Variants in RNF150 observed in about 807,000 individuals in gnomAD.
The protein encoded by RNF150 is ring finger protein 150.
RNF150 carries 24 observed loss-of-function variants against 39.3 expected under a neutral mutation model. The ratio of observed to expected loss-of-function variants is 0.61; its 90% CI spans 0.44 to 0.86. RNF150 has a LOEUF of 0.86. RNF150 is among the 40% of genes least tolerant of loss of function. RNF150 has a pLI of 0.00. For missense variants in RNF150, 502 were observed against 587.8 expected (o/e 0.85, Z 1.51); for synonymous variants, 255 against 227.3 (o/e 1.12, Z -1.10).
At chr4:141,077,332 T>C (rs755218575) in intron 1 of RNF150, among the ~76,000 whole-genome samples, 1 of 152,124 alleles carries the variant, frequency 6.6e-6, no homozygotes, top group Non-Finnish European at 1.5e-5. Flanking sequence ...GAACTGTTGA[T>C]ACAACATGGA....
chr4:141,186,252 A>G (rs1368909680), intron 1 of RNF150, among the ~76,000 whole-genome samples: 1 of 152,160 alleles, frequency 6.6e-6, no homozygotes, highest in Non-Finnish European at 1.5e-5. Context: ...TTCCTGGTTA[A>G]TCTTGAGAAG....
At position 140,953,719 on chromosome 4, in the gene RNF150, T is replaced by TTTCAA. The variant is rs369017639; in HGVS notation, c.736-4352_736-4348dup. Among the ~76,000 whole-genome samples the TTTCAA allele has an allele frequency of 8.0e-3, 1,217 of 152,256 alleles. 16 individuals are homozygous for TTTCAA. The highest frequency in any genetic ancestry group is 0.026 in the African/African-American group (1,083 of 41,540). The stretch of plus-strand genomic sequence containing the variant: ...ATTACACAAAGAAAAAAAGTACCAC[T>TTTCAA]TTCAATATTTAAAGAGTTTTCAATA... On this transcript the variant is annotated intron_variant, in intron 2 of 6. Coordinates refer to ENST00000515673, the MANE Select transcript of RNF150 (RefSeq NM_020724.2).
chr4:141,133,120 C>T lies in RNF150; in HGVS notation c.-312G>A. The T allele has an allele frequency of 3.1e-6, 1 of 319,574 alleles. No homozygotes were observed. The allele number at this position is 319,574 out of a possible 1,614,324, so 19.8% of individuals were successfully genotyped here. A position where few individuals can be genotyped will look rare whatever the true frequency, so the allele number is the denominator to read the frequency against. On this transcript the variant is annotated 5_prime_UTR_variant, in exon 1 of 7. Transcript: ENST00000515673. ...GCTGCCGAGCGTCCTGCTCCTTCGC[C>T]CGGCTTCGCCTTCTCTCATAAGGGT...
chr4:140,896,707 A>G (rs1326900222), intron 6 of RNF150, among the ~76,000 whole-genome samples: 15 of 88,338 alleles, frequency 1.7e-4, no homozygotes, highest in Non-Finnish European at 3.6e-4. Context: ...AAAACAAAAA[A>G]ACAAACAAAC....
intron 1 of RNF150, among the ~76,000 whole-genome samples, chr4:141,196,333 G>A (rs564606252): frequency 1.3e-5 from 2 of 152,152 alleles, no homozygotes; most frequent in African/African-American, 4.8e-5. Context: ...AAAGGGAGGA[G>A]GGCAAATGAC....
At position 141,088,678 on chromosome 4, in the gene RNF150, TACACAC is replaced by T. The variant is rs60239559; in HGVS notation, c.484+43641_484+43646del. Among the ~76,000 whole-genome samples the T allele has an allele frequency of 1.5e-3, 213 of 146,610 alleles. 1 individual carries two copies. The highest frequency in any genetic ancestry group is 4.8e-3 in the African/African-American group (190 of 39,618). Reference sequence around the variant, plus strand: ...ATAAAGTGTAGAAACACTTTGCTTTTACACACACACACACACACACACACACACACT... The same window carrying T: ...ATAAAGTGTAGAAACACTTTGCTTTTACACACACACACACACACACACACT... On this transcript the variant is annotated intron_variant, in intron 1 of 6. Transcript: ENST00000515673.
intron 4 of RNF150, among the ~76,000 whole-genome samples, chr4:140,942,630 G>C (rs1350969205): frequency 1.3e-5 from 2 of 152,042 alleles, no homozygotes; most frequent in Non-Finnish European, 2.9e-5. Flanking sequence ...GGGATGCTTG[G>C]GGCCAGAAGT....
intron 1 of RNF150, among the ~76,000 whole-genome samples, chr4:141,080,311 TTTTG>T (rs1301031077): frequency 1.3e-5 from 2 of 152,236 alleles, no homozygotes; most frequent in African/African-American, 2.4e-5. Flanking sequence ...TCTATTACTA[TTTTG>T]TTTGTATTTT....
intron 1 of RNF150, among the ~76,000 whole-genome samples, chr4:141,180,063 G>A (rs568190843): frequency 8.5e-5 from 13 of 152,264 alleles, no homozygotes; most frequent in African/African-American, 3.1e-4. Context: ...CCAAATAACA[G>A]ACTGTCTGAC....
At chr4:141,072,375 A>G (rs780513537) in intron 1 of RNF150, among the ~76,000 whole-genome samples, 48 of 152,330 alleles carry the variant, frequency 3.2e-4, no homozygotes, top group African/African-American at 1.1e-3. Context: ...TGGCCATAGG[A>G]TAGTAGAGAC....
At chr4:140,997,452 C>T (rs1734416962) in intron 1 of RNF150, among the ~76,000 whole-genome samples, 1 of 152,130 alleles carries the variant, frequency 6.6e-6, no homozygotes, top group South Asian at 2.1e-4. Context: ...GAAACCCCAT[C>T]TCTACTAAAA....
At chr4:141,055,997 G>A (rs1219802924) in intron 1 of RNF150, among the ~76,000 whole-genome samples, 1 of 152,142 alleles carries the variant, frequency 6.6e-6, no homozygotes, top group Admixed American at 6.6e-5. Flanking sequence ...GTATTAACAT[G>A]CCAGAGCAGT....
At chr4:140,906,435 T>C (rs1321993589) in intron 6 of RNF150, among the ~76,000 whole-genome samples, 2 of 152,152 alleles carry the variant, frequency 1.3e-5, no homozygotes, top group Non-Finnish European at 2.9e-5. Context: ...GATATGCAAA[T>C]ATTACACCAT....
At position 140,911,259 on chromosome 4, in the gene RNF150, T is replaced by C. The variant is rs1422705969; in HGVS notation, c.1083A>G (p.Thr361=). The change falls in exon 6 of 7, where the codon ACA becomes ACG. Residue 361 remains threonine (T), a synonymous_variant. Transcript: ENST00000515673. ...CCAAAGTGACTGAACTTTCATTCAC[T>C]GTTGTGTCGCTGGCACCTGTGATCT... ...TNQITGASDT[T]VNESSVTLDP... 4.3e-6 allele frequency: 7 copies of C among 1,613,982 alleles called. No individual in the cohort carries two copies. In the South Asian group the frequency reaches 5.5e-5, roughly 13 times the overall value.
In RNF150 at chr4:141,121,907, T is replaced by C. The variant is rs72933081; in HGVS notation, c.484+10418A>G. 9.3e-3 allele frequency among the ~76,000 whole-genome samples: 1,418 copies of C among 152,320 alleles called. 8 individuals carry two copies. The highest frequency in any genetic ancestry group is 0.014 in the African/African-American group (563 of 41,578). On this transcript the variant is annotated intron_variant, in intron 1 of 6. Transcript: ENST00000515673. ...CATCCCGCATAGTGGCTGTCAGACC[T>C]GAGTGCACTCTAGAAACATATGGGG...
chr4:140,950,158 G>A (rs114305608), intron 2 of RNF150, among the ~76,000 whole-genome samples: 2,691 of 152,254 alleles, frequency 0.018, 31 homozygotes, highest in Non-Finnish European at 0.026. Flanking sequence ...TTGCATGTGA[G>A]TTTTCTACAT....
At chr4:140,920,284 C>T (rs1159044473) in intron 5 of RNF150, among the ~76,000 whole-genome samples, 1 of 145,748 alleles carries the variant, frequency 6.9e-6, no homozygotes. Context: ...TCGCAACCTA[C>T]TCATCTGACA....
At chr4:140,979,906 ACT>A (rs1733799984) in intron 1 of RNF150, among the ~76,000 whole-genome samples, 1 of 152,158 alleles carries the variant, frequency 6.6e-6, no homozygotes, top group Admixed American at 6.6e-5. Flanking sequence ...AATTCATATT[ACT>A]CTCTTAAGGT....
intron 5 of RNF150, among the ~76,000 whole-genome samples, chr4:140,917,711 C>T (rs1171894807): frequency 2.0e-5 from 3 of 152,092 alleles, no homozygotes; most frequent in African/African-American, 7.2e-5. Context: ...CTACAGAACT[C>T]TCCACCCCAA....
Sources: gnomAD v4.1 joint callset for allele counts (sites outside exome capture counted in the v4.1 genomes callset) on GRCh38, gnomAD v4.1.1 for gene constraint, MANE v1.5 for transcripts, NCBI Gene and HGNC (gene_info 2026-07-23, HGNC 2026-07-21) for gene names.